Variants in ERC2 observed in about 807,000 individuals in gnomAD.
ERC2 encodes ERC protein 2.
Under a neutral mutation model 114.8 loss-of-function variants are expected in ERC2, and 42 were observed. The observed-to-expected ratio is 0.37, with a 90% CI of 0.29 to 0.47. The LOEUF is 0.47. Ranked by LOEUF, ERC2 falls within the 20% of genes least tolerant of loss-of-function variation. The pLI is 0.99. For synonymous variants in ERC2, 454 were observed against 425.5 expected, an observed-to-expected ratio of 1.07 and a Z score of -0.82; for missense variants, 939 against 1,150.7, an observed-to-expected ratio of 0.82 and a Z score of 2.66.
chr3:55,717,745 T>C (rs815412), intron 15 of ERC2, among the ~76,000 whole-genome samples: 83,647 of 151,956 alleles, frequency 0.55, 23,641 homozygotes, highest in South Asian at 0.71. Flanking sequence ...TTGCATTCTC[T>C]GAGTTTGAGA....
At chr3:55,513,801 T>C (rs945095327) in intron 17 of ERC2, among the ~76,000 whole-genome samples, 5 of 151,930 alleles carry the variant, frequency 3.3e-5, no homozygotes, top group African/African-American at 1.2e-4. Flanking sequence ...GTCTGGCTAA[T>C]TTTTGTATTT....
At chr3:55,896,037 G>A (rs1358128645) in intron 13 of ERC2, among the ~76,000 whole-genome samples, 1 of 152,148 alleles carries the variant, frequency 6.6e-6, no homozygotes, top group Admixed American at 6.5e-5. Flanking sequence ...CTCAGGTTCT[G>A]CGCTGGTATA....
chr3:56,444,011 GGAGAGC>G (rs1444360414), intron 1 of ERC2, among the ~76,000 whole-genome samples: 1 of 122,540 alleles, frequency 8.2e-6, no homozygotes, highest in East Asian at 2.7e-4. Flanking sequence ...CGCCCAGGCT[GGAGAGC>G]AGTGGCCTGA....
intron 14 of ERC2, among the ~76,000 whole-genome samples, chr3:55,763,165 C>T (rs950097692): frequency 3.2e-4 from 48 of 152,338 alleles, no homozygotes; most frequent in African/African-American, 1.1e-3. Flanking sequence ...AAGCATAGAG[C>T]TTGGCATGTG....
intron 7 of ERC2, among the ~76,000 whole-genome samples, chr3:56,034,070 C>T (rs1015364448): frequency 7.9e-5 from 12 of 152,004 alleles, no homozygotes; most frequent in African/African-American, 1.9e-4. Flanking sequence ...CAACTATATG[C>T]GACTATAGAA....
At chr3:55,768,835 C>T (rs1257285083) in intron 14 of ERC2, among the ~76,000 whole-genome samples, 2 of 152,132 alleles carry the variant, frequency 1.3e-5, no homozygotes, top group African/African-American at 2.4e-5. Context: ...TTGGGTTTTA[C>T]TTTAGTTTTA....
At chr3:55,951,602 A>G (rs1178964301) in intron 12 of ERC2, among the ~76,000 whole-genome samples, 1 of 152,164 alleles carries the variant, frequency 6.6e-6, no homozygotes, top group Non-Finnish European at 1.5e-5. Context: ...CATAAATCTA[A>G]TCCAACACAT....
intron 12 of ERC2, chr3:55,955,158 AC>A (rs1427263357): frequency 1.9e-6 from 1 of 516,814 alleles, no homozygotes; most frequent in Admixed American, 1.9e-5. Context: ...GAAACTCCAC[AC>A]CAGTCTATAA....
chr3:55,780,089 A>T (rs539700328), intron 14 of ERC2, among the ~76,000 whole-genome samples: 4 of 152,300 alleles, frequency 2.6e-5, no homozygotes, highest in African/African-American at 9.6e-5. Context: ...AGAAATAGTG[A>T]ACTACAGGCA....
At chr3:56,446,891 T>TGCTGG (rs1559514312) in intron 1 of ERC2, among the ~76,000 whole-genome samples, 1 of 151,718 alleles carries the variant, frequency 6.6e-6, no homozygotes, top group Admixed American at 6.6e-5. Flanking sequence ...CCTCCCAAAG[T>TGCTGG]GCTGGGATTA....
intron 14 of ERC2, among the ~76,000 whole-genome samples, chr3:55,841,524 A>C (rs1393156851): frequency 6.6e-6 from 1 of 152,190 alleles, no homozygotes; most frequent in African/African-American, 2.4e-5. Flanking sequence ...TTATTAGCAG[A>C]GTGACAATAG....
At chr3:55,697,827 A>G (rs2063014640) in intron 16 of ERC2, among the ~76,000 whole-genome samples, 2 of 151,992 alleles carry the variant, frequency 1.3e-5, no homozygotes, top group African/African-American at 4.8e-5. Flanking sequence ...ATGAATGGCC[A>G]AAGTGGGGAC....
intron 3 of ERC2, among the ~76,000 whole-genome samples, chr3:56,270,947 A>C (rs1203716153): frequency 1.3e-5 from 2 of 152,208 alleles, no homozygotes; most frequent in African/African-American, 2.4e-5. Context: ...TCGCCACTGC[A>C]CTCCAGCCTG....
At chr3:55,924,857 C>T (rs1308852742) in intron 13 of ERC2, among the ~76,000 whole-genome samples, 1 of 152,110 alleles carries the variant, frequency 6.6e-6, no homozygotes, top group Admixed American at 6.6e-5. Context: ...AAAATGAACC[C>T]TGTGTGGATA....
intron 13 of ERC2, among the ~76,000 whole-genome samples, chr3:55,892,013 A>C (rs541403640): frequency 6.6e-6 from 1 of 152,154 alleles, no homozygotes; most frequent in East Asian, 1.9e-4. Flanking sequence ...CCATGGCATT[A>C]TTACGGTGTG....
At chr3:55,579,634 C>G (rs1014096676) in intron 17 of ERC2, among the ~76,000 whole-genome samples, 1 of 152,380 alleles carries the variant, frequency 6.6e-6, no homozygotes, top group Admixed American at 6.5e-5. Flanking sequence ...ATGAAATATA[C>G]AGCGCATGCT....
chr3:56,118,640 T>TC (rs1233831411), intron 6 of ERC2, among the ~76,000 whole-genome samples: 3 of 148,676 alleles, frequency 2.0e-5, no homozygotes, highest in Non-Finnish European at 4.5e-5. Flanking sequence ...CCTTTTCTTT[T>TC]TTTTTTTTTT....
At chr3:55,515,646 A>G (rs2052442711) in intron 17 of ERC2, among the ~76,000 whole-genome samples, 2 of 149,290 alleles carry the variant, frequency 1.3e-5, no homozygotes. Flanking sequence ...CTTTGTGGGG[A>G]GAAACCAGTA....
intron 7 of ERC2, among the ~76,000 whole-genome samples, chr3:56,049,858 G>A (rs889034821): frequency 7.4e-4 from 94 of 126,692 alleles, no homozygotes; most frequent in African/African-American, 2.5e-3. Context: ...GTGTGTGTGT[G>A]TGTATCCTAT....
Sources: gnomAD v4.1 joint callset for allele counts (sites outside exome capture counted in the v4.1 genomes callset) on GRCh38, gnomAD v4.1.1 for gene constraint, MANE v1.5 for transcripts, NCBI Gene and HGNC (gene_info 2026-07-23, HGNC 2026-07-21) for gene names.